Variants in TCIRG1 observed in about 807,000 individuals in gnomAD.
TCIRG1 encodes T cell immune regulator 1, ATPase H+ transporting V0 subunit a3.
A neutral mutation model predicts 95.5 loss-of-function variants in TCIRG1; 86 were observed. The ratio of observed to expected loss-of-function variants is 0.90; its 90% confidence interval spans 0.76 to 1.08. The LOEUF is 1.08. Ranked by LOEUF, TCIRG1 falls within the 50% of genes least tolerant of loss-of-function variation. The pLI, the probability that TCIRG1 is intolerant of heterozygous loss-of-function variation, is 0.00. For synonymous variants in TCIRG1, 499 were observed against 501.3 expected (o/e 1.00, Z 0.06); for missense variants, 1,069 against 1,140.2 (o/e 0.94, Z 0.90).
chr11:68,048,125 C>T (rs1306469037), intron 13 of TCIRG1, 153 bp downstream of exon 13: 1 of 735,996 alleles, frequency 1.4e-6, no homozygotes, highest in East Asian at 2.7e-5. Context: ...AGCCTCCTGC[C>T]CTGCGGAGCC....
Position 68,044,325 on chromosome 11 carries a change from A to T in TCIRG1, c.1001A>T (p.Glu334Val). The T allele has an allele frequency of 6.3e-7, 1 of 1,593,316 alleles. No individual in the cohort carries two copies. The highest frequency in any genetic ancestry group is 8.5e-7 in the Non-Finnish European group (1 of 1,173,756). Reference sequence around the variant, plus strand: ...GTGCGAGACCTGCCCGCCCTGCAGGAGGCCCTGCGGGACAGCTCGGTGAGC... The same window carrying T: ...GTGCGAGACCTGCCCGCCCTGCAGGTGGCCCTGCGGGACAGCTCGGTGAGC... Reference protein sequence around the residue: ...CSVRDLPALQEALRDSSMEEG... With the variant: ...CSVRDLPALQVALRDSSMEEG... The change falls in exon 9 of 20, where the codon GAG (glutamate) becomes GTG (valine). Residue 334 changes from glutamate (E) to valine (V), a missense_variant. Transcript: ENST00000265686.
In TCIRG1 at chr11:68,047,728, G is replaced by A. The variant is rs774578979; in HGVS notation, c.1387G>A (p.Glu463Lys). The A allele has an allele frequency of 1.9e-5, 30 of 1,613,148 alleles. No homozygotes were observed. Among genetic ancestry groups the A allele is most frequent in the African/African-American group, 6.7e-5 (5 of 74,902 alleles). Residue 463 changes from glutamate to lysine, a missense_variant, in exon 12 of 20, where the codon GAG (glutamate) becomes AAG (lysine). Transcript: ENST00000265686. ...FSIYTGFIYN[E>K]CFSRATSIFP... ...CATCTACACCGGCTTCATCTACAAC[G>A]AGTGCTTCAGTCGCGCCACCAGCAT...
chr11:68,046,739 T>C (rs1347026318), intron 10 of TCIRG1, among the ~76,000 whole-genome samples: 2 of 152,216 alleles, frequency 1.3e-5, no homozygotes, highest in South Asian at 4.1e-4. Flanking sequence ...ACTTCAGAGC[T>C]GAAGTGACCA....
chr11:68,048,091 T>C, intron 13 of TCIRG1, 119 bp downstream of exon 13: 1 of 898,406 alleles, frequency 1.1e-6, no homozygotes, highest in Admixed American at 2.0e-5. Context: ...TGCCAGGCCC[T>C]TTCCTCAGCA....
chr11:68,042,588 C>T, intron 3 of TCIRG1, 55 bp from the exon 4 acceptor site: 1 of 1,418,162 alleles, frequency 7.1e-7, no homozygotes, highest in Non-Finnish European at 9.7e-7. Context: ...CAGGTGGGGC[C>T]CTCAACTGTT....
downstream of TCIRG1, chr11:68,052,217 T>TGGGCCA (rs145359220): frequency 0.24 from 36,888 of 151,936 alleles, 4,536 homozygotes; most frequent in East Asian, 0.32. Flanking sequence ...AGAGAAACGA[T>TGGGCCA]GGGCCAGGGC....
In TCIRG1 at chr11:68,050,003, T is replaced by C; in HGVS notation, c.2055T>C (p.Ser685=). 6.2e-7 allele frequency: 1 copy of C among 1,613,176 alleles called. No homozygotes were observed. The highest frequency in any genetic ancestry group is 8.5e-7 in the Non-Finnish European group (1 of 1,179,894). Residue 685 remains serine (S), a synonymous_variant, in exon 17 of 20, where the codon TCT becomes TCC. Coordinates refer to ENST00000265686, the MANE Select transcript of TCIRG1 (RefSeq NM_006019.4). The part of the protein sequence containing the change: ...KAGLLDLPDA[S]VNGWSSDEEK... ...GGTTGCTGGACCTGCCTGACGCATC[T>C]GTGAATGGCTGGAGCTCCGATGAGG...
rs745521166 is a variant in TCIRG1, at chr11:68,043,555, T to TGAGCCTGCTCTGCAGGGCGAGCCAGCC, written c.631-15_642dup. 85 of 1,603,440 alleles carry TGAGCCTGCTCTGCAGGGCGAGCCAGCC rather than the reference T, an allele frequency of 5.3e-5. No homozygotes were observed. The highest frequency in any genetic ancestry group is 1.0e-5 in the Non-Finnish European group (12 of 1,175,762). On this transcript the variant is annotated splice_polypyrimidine_tract_variant and intron_variant, in intron 6 of 19. Coordinates refer to ENST00000265686, the MANE Select transcript of TCIRG1 (RefSeq NM_006019.4). Reference sequence around the variant, plus strand: ...GGCAGAGCGGGACCCCAGAGTCAGCTGAGCCTGCTCTGCAGGGCGAGCCAG... The same window carrying TGAGCCTGCTCTGCAGGGCGAGCCAGCC: ...GGCAGAGCGGGACCCCAGAGTCAGCTGAGCCTGCTCTGCAGGGCGAGCCAGCCGAGCCTGCTCTGCAGGGCGAGCCAG...
intron 1 of TCIRG1, among the ~76,000 whole-genome samples, chr11:68,039,559 C>T (rs1379415028): frequency 6.6e-6 from 1 of 152,202 alleles, no homozygotes. Flanking sequence ...GCAGAGAGAC[C>T]TGCTGGGTTC....
chr11:68,050,695 C>G (rs931596464), intron 19 of TCIRG1, 31 bp downstream of exon 19: 1 of 1,613,530 alleles, frequency 6.2e-7, no homozygotes, highest in Non-Finnish European at 8.5e-7. Context: ...CTGGGCTGCT[C>G]AAGGCGTGAG....
rs533323966 is a variant in TCIRG1 at position 68,047,692 on chromosome 11, G to A, written c.1351G>A (p.Gly451Ser). The A allele has an allele frequency of 1.9e-6, 3 of 1,613,456 alleles. No homozygotes were observed. The highest frequency in any genetic ancestry group is 1.7e-5 in the Admixed American group (1 of 60,022). The stretch of plus-strand genomic sequence containing the variant: ...GGGCCGCTACCTGCTCCTGCTTATG[G>A]GCCTGTTCTCCATCTACACCGGCTT... ...FRGRYLLLLM[G>S]LFSIYTGFIY... Residue 451 changes from glycine (G) to serine (S), a missense_variant, in exon 12 of 20, where the codon GGC becomes AGC. Transcript: ENST00000265686.
At chr11:68,042,598 T>G in intron 3 of TCIRG1, 45 bp from the exon 4 acceptor site, 12 of 1,488,812 alleles carry the variant, frequency 8.1e-6, no homozygotes, top group Non-Finnish European at 1.0e-5. Flanking sequence ...CCTCAACTGT[T>G]GAGACAACCT....
chr11:68,044,150 C>G lies in TCIRG1; in HGVS notation c.826C>G (p.Arg276Gly). The G allele has an allele frequency of 6.5e-7, 1 of 1,550,112 alleles. No individual in the cohort carries two copies. The highest frequency in any genetic ancestry group is 1.4e-5 in the African/African-American group (1 of 73,356). Residue 276 changes from arginine (R) to glycine (G), a missense_variant, in exon 9 of 20, where the codon CGG becomes GGG. By Grantham distance (125) the Arg-to-Gly change is moderately radical. Coordinates refer to ENST00000265686, the MANE Select transcript of TCIRG1 (RefSeq NM_006019.4). ...ELQEVLGETE[R>G]FLSQVLGRVL... ...GGCGCAGGTCCTCGGGGAGACAGAG[C>G]GGTTCCTGAGCCAGGTGCTAGGCCG...
rs777342290 is a variant in TCIRG1 at position 68,047,945 on chromosome 11, G to T, written c.1527G>T (p.Leu509=). 7 of 1,613,748 alleles carry T rather than the reference G, an allele frequency of 4.3e-6. No homozygotes were observed. Among genetic ancestry groups the T allele is most frequent in the Non-Finnish European group, 8.5e-7 (1 of 1,180,042 alleles). ...TLDPNVTGVF[L]GPYPFGIDPI... The stretch of plus-strand genomic sequence containing the variant: ...ATCCCAACGTCACCGGTGTCTTCCT[G>T]GGACCCTACCCCTTTGGCATCGATC... Residue 509 remains leucine (L), a synonymous_variant, in exon 13 of 20, where the codon CTG becomes CTT. Coordinates refer to ENST00000265686, the MANE Select transcript of TCIRG1 (RefSeq NM_006019.4).
rs771820589 is a variant in TCIRG1 at position 68,044,992 on chromosome 11, T to A, written c.1055T>A (p.Ile352Asn). ...GGAGTGAGTGCCGTGGCTCACCGCA[T>A]CCCCTGCCGGGACATGCCCCCCACA... ...EEGVSAVAHR[I>N]PCRDMPPTLI... The change falls in exon 10 of 20, where the codon ATC (isoleucine) becomes AAC (asparagine). Residue 352 changes from isoleucine to asparagine, a missense_variant. Ile to Asn is a moderately radical substitution (Grantham distance 149, BLOSUM62 -3). Transcript: ENST00000265686. The A allele has an allele frequency of 6.2e-7, 1 of 1,608,732 alleles. No individual in the cohort carries two copies. Among genetic ancestry groups the A allele is most frequent in the South Asian group, 1.1e-5 (1 of 91,082 alleles).
chr11:68,049,345 G>A (rs1855672999), intron 15 of TCIRG1, 51 bp downstream of exon 15: 5 of 1,537,436 alleles, frequency 3.3e-6, no homozygotes, highest in Non-Finnish European at 4.4e-6. Context: ...TGGGGACCCC[G>A]CGGTCACAGG....
chr11:68,046,737 G>A (rs535795855), intron 10 of TCIRG1, among the ~76,000 whole-genome samples: 2 of 152,330 alleles, frequency 1.3e-5, no homozygotes, highest in South Asian at 4.1e-4. Flanking sequence ...AGACTTCAGA[G>A]CTGAAGTGAC....
At chr11:68,045,189 T>A (rs1028917705) in intron 10 of TCIRG1, 87 bp downstream of exon 10, 1 of 1,543,152 alleles carries the variant, frequency 6.5e-7, no homozygotes, top group African/African-American at 1.4e-5. Context: ...GGTATCTCCA[T>A]CCTGGGCCTG....
At chr11:68,052,934 T>TAA (rs1025461555), downstream of TCIRG1, 21 of 152,542 alleles carry the variant, frequency 1.4e-4, no homozygotes, top group African/African-American at 4.6e-4. Flanking sequence ...ACAATTCAAA[T>TAA]AAGAGTTCAG....
Sources: allele counts gnomAD v4.1 joint callset (sites outside exome capture counted in the v4.1 genomes callset), GRCh38; gene constraint gnomAD v4.1.1; transcripts MANE v1.5; gene names NCBI Gene and HGNC (gene_info 2026-07-23, HGNC 2026-07-21).